FBXW11: variants seen among roughly 807,000 people sequenced by gnomAD.
FBXW11 encodes F-box and WD repeat domain containing 11.
Under a neutral mutation model 77.6 loss-of-function variants are expected in FBXW11, and 19 were observed. That is an observed-to-expected ratio of 0.24 (90% CI 0.17 to 0.36). FBXW11 has a LOEUF of 0.36. FBXW11 is among the 10% of genes least tolerant of loss of function. The pLI is 1.00. For synonymous variants in FBXW11, 235 were observed against 249.4 expected (o/e 0.94, Z 0.54); for missense variants, 334 against 704.2 (o/e 0.47, Z 5.95).
At position 171,869,981 on chromosome 5, in the gene FBXW11, A is replaced by G. The variant is rs1757655220; in HGVS notation, c.1452-174T>C. On this transcript the variant is annotated intron_variant, in intron 11 of 13. Transcript: ENST00000517395. This position sits in a 1 kb window ranked among gnomAD's most constrained non-coding sequence, Gnocchi z 4.1. Reference sequence around the variant, plus strand: ...AATTACACTTGATTTTGGAAAAATTAAGAACCTACACATTCTCAGAATTGC... The same window carrying G: ...AATTACACTTGATTTTGGAAAAATTGAGAACCTACACATTCTCAGAATTGC... Among the ~76,000 whole-genome samples, 1 of 152,230 alleles carries G rather than the reference A, an allele frequency of 6.6e-6. No homozygotes were observed. The highest frequency in any genetic ancestry group is 1.5e-5 in the Non-Finnish European group (1 of 68,038).
intron 2 of FBXW11, among the ~76,000 whole-genome samples, chr5:171,930,762 TAAAAA>T: frequency 7.9e-6 from 1 of 126,550 alleles, no homozygotes; most frequent in East Asian, 2.3e-4. Flanking sequence ...AATAAAAAAA[TAAAAA>T]AAAAAAAAAG....
intron 2 of FBXW11, among the ~76,000 whole-genome samples, chr5:171,944,035 G>T (rs1581235579): frequency 1.3e-5 from 2 of 152,068 alleles, no homozygotes; most frequent in South Asian, 4.2e-4. Context: ...GCACAAAGAT[G>T]GTGATTAGCT....
At chr5:171,925,085 G>A (rs750416215) in intron 2 of FBXW11, among the ~76,000 whole-genome samples, 2 of 152,134 alleles carry the variant, frequency 1.3e-5, no homozygotes, top group East Asian at 1.9e-4. Context: ...AGCCCAGGGC[G>A]GAGCGCGGCC....
intron 4 of FBXW11, chr5:171,908,614 T>C (rs558229911): frequency 3.9e-5 from 6 of 152,314 alleles, no homozygotes; most frequent in South Asian, 2.1e-4. Flanking sequence ...GAGCAAGTCA[T>C]GCTAGATTTC....
At chr5:171,873,847 C>T (rs940668940) in intron 9 of FBXW11, among the ~76,000 whole-genome samples, 2 of 152,066 alleles carry the variant, frequency 1.3e-5, no homozygotes, top group Non-Finnish European at 2.9e-5. Flanking sequence ...ACCAGAGTGC[C>T]CTGAATTATC....
At position 171,925,835 on chromosome 5, in the gene FBXW11, A is replaced by G. The variant is rs1336316905; in HGVS notation, c.148-11430T>C. On this transcript the variant is annotated intron_variant, in intron 2 of 13. Transcript: ENST00000517395. Reference sequence around the variant, plus strand: ...ATTTTTAAAACATGGTCAGCAGGTAAAAGAACAAATGGTGTGCAGACATGT... The same window carrying G: ...ATTTTTAAAACATGGTCAGCAGGTAGAAGAACAAATGGTGTGCAGACATGT... 2.0e-5 allele frequency among the ~76,000 whole-genome samples: 3 copies of G among 152,328 alleles called. No individual in the cohort carries two copies. In the East Asian group the frequency reaches 5.8e-4, roughly 29 times the overall value.
chr5:171,891,620 G>A lies in FBXW11; in HGVS notation c.715-16C>T. The A allele has an allele frequency of 6.2e-7, 1 of 1,600,204 alleles. No homozygotes were observed. The highest frequency in any genetic ancestry group is 8.5e-7 in the Non-Finnish European group (1 of 1,175,748). ...ATTCTATAGTCTAGGGAAAAAAGGA[G>A]GCAAGAGATGAGTTTTTATGAATCA... is the stretch of plus-strand genomic sequence containing the variant. On this transcript the variant is annotated splice_polypyrimidine_tract_variant and intron_variant, in intron 6 of 13. Transcript: ENST00000517395.
chr5:171,889,228 ATCAAAATTAAAATCTTC>A (rs1254565634), intron 7 of FBXW11, among the ~76,000 whole-genome samples: 1 of 152,222 alleles, frequency 6.6e-6, no homozygotes, highest in East Asian at 1.9e-4. Context: ...GTTGGACTTC[ATCAAAATTAAAATCTTC>A]TGTCAAGTAC....
intron 1 of FBXW11, among the ~76,000 whole-genome samples, chr5:171,989,682 A>G (rs974122914): frequency 1.3e-5 from 2 of 152,262 alleles, no homozygotes; most frequent in African/African-American, 2.4e-5. Context: ...CTTAAAAAAG[A>G]GTACAAGAAA....
chr5:171,888,820 T>C (rs1443912969), intron 7 of FBXW11, among the ~76,000 whole-genome samples: 1 of 151,906 alleles, frequency 6.6e-6, no homozygotes, highest in African/African-American at 2.4e-5. Flanking sequence ...TTGAGGTAAA[T>C]AAAAAAGAGA....
chr5:171,986,749 C>T (rs1381131170), intron 1 of FBXW11, among the ~76,000 whole-genome samples: 1 of 151,688 alleles, frequency 6.6e-6, no homozygotes, highest in African/African-American at 2.4e-5. Flanking sequence ...AAAAAAAAAT[C>T]CGTGTGGACC....
At chr5:171,970,763 TATC>T (rs1219124235) in intron 1 of FBXW11, among the ~76,000 whole-genome samples, 1 of 152,248 alleles carries the variant, frequency 6.6e-6, no homozygotes, top group Non-Finnish European at 1.5e-5. Context: ...TGGCACATTT[TATC>T]ATCCCTTAAT....
intron 13 of FBXW11, among the ~76,000 whole-genome samples, chr5:171,866,466 G>A (rs1371044644): frequency 3.3e-5 from 5 of 152,060 alleles, no homozygotes; most frequent in Non-Finnish European, 7.4e-5. Context: ...GTTGTTCTGA[G>A]GTTTCCAAAA....
chr5:171,891,627 G>A, intron 6 of FBXW11, 23 bp from the exon 7 acceptor site: 1 of 1,601,736 alleles, frequency 6.2e-7, no homozygotes, highest in Non-Finnish European at 8.5e-7. Context: ...GGAGGCAAGA[G>A]ATGAGTTTTT....
chr5:171,977,205 T>C (rs980706706), intron 1 of FBXW11, among the ~76,000 whole-genome samples: 2 of 149,370 alleles, frequency 1.3e-5, no homozygotes, highest in East Asian at 2.0e-4. Context: ...TCGGGTATGG[T>C]GGCACGTGTG....
At chr5:171,920,224 T>G (rs1188357749) in intron 2 of FBXW11, among the ~76,000 whole-genome samples, 1 of 151,966 alleles carries the variant, frequency 6.6e-6, no homozygotes, top group Non-Finnish European at 1.5e-5. Flanking sequence ...CTTCATAAAC[T>G]GAATTCTGAA....
At chr5:171,935,332 T>C (rs1762418040) in intron 2 of FBXW11, among the ~76,000 whole-genome samples, 1 of 152,180 alleles carries the variant, frequency 6.6e-6, no homozygotes, top group Non-Finnish European at 1.5e-5. Context: ...TCTGTGACTA[T>C]ACTAAAAATC....
intron 2 of FBXW11, among the ~76,000 whole-genome samples, chr5:171,944,694 T>C (rs942663017): frequency 1.3e-5 from 2 of 151,662 alleles, no homozygotes; most frequent in African/African-American, 4.8e-5. Flanking sequence ...CTATAATAAA[T>C]AGTATTAATT....
chr5:172,004,926 T>C (rs1280342567), intron 1 of FBXW11, among the ~76,000 whole-genome samples: 1 of 152,102 alleles, frequency 6.6e-6, no homozygotes, highest in Non-Finnish European at 1.5e-5. Context: ...AGTTTCTTTT[T>C]TTCCCTCCTA....
Sources: allele counts gnomAD v4.1 joint callset (sites outside exome capture counted in the v4.1 genomes callset), GRCh38; gene constraint gnomAD v4.1.1; non-coding constraint Gnocchi (gnomAD v3.1); transcripts MANE v1.5; gene names NCBI Gene and HGNC (gene_info 2026-07-23, HGNC 2026-07-21).